Variants in NSUN6 observed in about 807,000 individuals in gnomAD.
NSUN6 encodes NOP2/Sun RNA methyltransferase 6.
In NSUN6, 64 loss-of-function variants were observed where a neutral mutation model predicts 58.0. The ratio of observed to expected loss-of-function variants is 1.10; its 90% CI spans 0.90 to 1.36. The LOEUF is 1.36. Ranked by LOEUF, NSUN6 falls within the 40% of genes most tolerant of loss-of-function variation. NSUN6 has a pLI of 0.00. For missense variants in NSUN6, 701 were observed against 550.1 expected, an observed-to-expected ratio of 1.27 and a Z score of -2.74; for synonymous variants, 231 against 193.9, an observed-to-expected ratio of 1.19 and a Z score of -1.59.
At chr10:18,659,178 A>AC (rs749307583), upstream of NSUN6, 249 of 164,640 alleles carry the variant, frequency 1.5e-3, 1 homozygote, top group Middle Eastern at 5.9e-3. Flanking sequence ...GAAATTTCCC[A>AC]CCCCCCCGCG....
chr10:18,563,591 CTCCAT>C (rs1235718654), intron 8 of NSUN6, among the ~76,000 whole-genome samples: 1 of 150,604 alleles, frequency 6.6e-6, no homozygotes, highest in African/African-American at 2.4e-5. Flanking sequence ...CCATTCCATT[CTCCAT>C]TCCATTCCAT....
chr10:18,653,101 T>C, upstream of NSUN6: 1 of 985,096 alleles, frequency 1.0e-6, no homozygotes, highest in Non-Finnish European at 1.2e-6. Context: ...AATTTCATGG[T>C]GACCATAGCA....
chr10:18,615,041 T>C (rs1168750870), intron 4 of NSUN6, among the ~76,000 whole-genome samples: 3 of 151,988 alleles, frequency 2.0e-5, no homozygotes, highest in Admixed American at 1.3e-4. Context: ...ACCCTGTTTG[T>C]ATTTGCTATT....
At chr10:18,652,446 G>C (rs2059725814), upstream of NSUN6, 12 of 982,732 alleles carry the variant, frequency 1.2e-5, no homozygotes, top group Non-Finnish European at 1.4e-5. Flanking sequence ...TATACACACA[G>C]ACACACACAC....
chr10:18,644,572 C>A (rs1188791415), intron 2 of NSUN6, among the ~76,000 whole-genome samples: 3 of 151,182 alleles, frequency 2.0e-5, no homozygotes, highest in Non-Finnish European at 4.4e-5. Flanking sequence ...CGCAGTGGCT[C>A]ATGCCTGTAA....
In NSUN6 at chr10:18,545,693, T is replaced by A; in HGVS notation, c.*240A>T. 2.7e-6 allele frequency: 1 copy of A among 370,510 alleles called. No homozygotes were observed. Among genetic ancestry groups the A allele is most frequent in the East Asian group, 5.5e-5 (1 of 18,068 alleles). The allele number at this position is 370,510 out of a possible 1,614,324, so 23.0% of individuals were successfully genotyped here. A position where few individuals can be genotyped will look rare whatever the true frequency, so the allele number is the denominator to read the frequency against. On this transcript the variant is annotated 3_prime_UTR_variant, in exon 11 of 11. Transcript: ENST00000377304. ...TCCAGACATCTATAGGCATCTGCTTTTCTTTATACTCTACTAAATACATAA... is the reference window on the plus strand; with the variant it reads ...TCCAGACATCTATAGGCATCTGCTTATCTTTATACTCTACTAAATACATAA...
At chr10:18,636,532 A>T (rs962511631) in intron 3 of NSUN6, among the ~76,000 whole-genome samples, 1 of 151,984 alleles carries the variant, frequency 6.6e-6, no homozygotes, top group South Asian at 2.1e-4. Flanking sequence ...AATACAAACT[A>T]GGTGGTAGGA....
At chr10:18,593,435 T>A (rs919763147) in intron 7 of NSUN6, among the ~76,000 whole-genome samples, 12 of 152,126 alleles carry the variant, frequency 7.9e-5, no homozygotes, top group African/African-American at 2.4e-4. Flanking sequence ...CTATTTACAA[T>A]AGCAAAGACT....
chr10:18,578,231 A>ATTCTT (rs1157209773), intron 8 of NSUN6, among the ~76,000 whole-genome samples: 1 of 121,158 alleles, frequency 8.3e-6, no homozygotes, highest in Admixed American at 9.5e-5. Context: ...CTCTAAGCCT[A>ATTCTT]TTTTTTTTTT....
Position 18,548,200 on chromosome 10 carries a change from TA to T in NSUN6, c.1108del (p.Tyr370IlefsTer6), listed in dbSNP as rs1420800576. The T allele has an allele frequency of 6.2e-7, 1 of 1,613,414 alleles. No homozygotes were observed. The highest frequency in any genetic ancestry group is 8.5e-7 in the Non-Finnish European group (1 of 1,179,524). ...GGCCAGTGTTATAGTGCACGTGCTATAAACCAGCACACCCTCTGGCTTCAGC... is the reference window on the plus strand; with the variant it reads ...GGCCAGTGTTATAGTGCACGTGCTATAACCAGCACACCCTCTGGCTTCAGC... ...QLLKPEGVLV[Y>X]STCTITLAEN... On this transcript the variant is annotated frameshift_variant, in exon 10 of 11. Coordinates refer to ENST00000377304, the MANE Select transcript of NSUN6 (RefSeq NM_182543.5). LOFTEE classifies it high-confidence loss of function.
chr10:18,654,199 G>T (rs976923451), upstream of NSUN6, among the ~76,000 whole-genome samples: 9 of 152,138 alleles, frequency 5.9e-5, no homozygotes, highest in Non-Finnish European at 1.3e-4. Flanking sequence ...GGGTTCAAGC[G>T]ATTCTCCTGC....
At chr10:18,625,407 C>G (rs1310832704) in intron 3 of NSUN6, among the ~76,000 whole-genome samples, 2 of 152,070 alleles carry the variant, frequency 1.3e-5, no homozygotes, top group Non-Finnish European at 2.9e-5. Context: ...TACACTGTGT[C>G]TCATCAAAAG....
At chr10:18,612,724 G>A (rs985840997) in intron 5 of NSUN6, among the ~76,000 whole-genome samples, 6 of 152,100 alleles carry the variant, frequency 3.9e-5, no homozygotes, top group Admixed American at 6.6e-5. Context: ...TTAACATAAC[G>A]AAGAATAATT....
At chr10:18,631,931 G>A (rs1439655934) in intron 3 of NSUN6, among the ~76,000 whole-genome samples, 2 of 152,142 alleles carry the variant, frequency 1.3e-5, no homozygotes, top group South Asian at 2.1e-4. Flanking sequence ...AACCAAAAGA[G>A]AGCCCACATC....
chr10:18,547,258 T>C (rs1175444526), intron 10 of NSUN6, among the ~76,000 whole-genome samples: 1 of 152,186 alleles, frequency 6.6e-6, no homozygotes, highest in Non-Finnish European at 1.5e-5. Flanking sequence ...AGACATATAC[T>C]TAAGAAAACA....
At chr10:18,651,794 C>G (rs2059714620), upstream of NSUN6, 1 of 985,330 alleles carries the variant, frequency 1.0e-6, no homozygotes, top group Admixed American at 6.1e-5. Context: ...AGTAGGCAGA[C>G]CCCGCGGGCG....
chr10:18,600,344 G>A (rs960978279), intron 6 of NSUN6, among the ~76,000 whole-genome samples: 11 of 152,170 alleles, frequency 7.2e-5, no homozygotes, highest in Admixed American at 2.0e-4. Context: ...GAAAAAAGAG[G>A]CCGGTTGTGG....
chr10:18,575,525 T>G (rs1226102779), intron 8 of NSUN6, among the ~76,000 whole-genome samples: 1 of 152,174 alleles, frequency 6.6e-6, no homozygotes, highest in Admixed American at 6.6e-5. Context: ...GGAACTCATT[T>G]CACCACACAC....
chr10:18,645,350 A>G (rs934882240), intron 2 of NSUN6, among the ~76,000 whole-genome samples: 2 of 152,150 alleles, frequency 1.3e-5, no homozygotes, highest in African/African-American at 4.8e-5. Context: ...ATTGTATAAA[A>G]TTACCTTCAG....
Sources: allele counts gnomAD v4.1 joint callset (sites outside exome capture counted in the v4.1 genomes callset), GRCh38; gene constraint gnomAD v4.1.1; transcripts MANE v1.5; gene names NCBI Gene and HGNC (gene_info 2026-07-23, HGNC 2026-07-21).